Variants in CRY1 observed in about 807,000 individuals in gnomAD.
CRY1 encodes the protein cryptochrome circadian regulator 1.
A neutral mutation model predicts 76.0 loss-of-function variants in CRY1; 45 were observed. That is an observed-to-expected ratio of 0.59 (90% CI 0.47 to 0.76). CRY1 has a LOEUF of 0.76. Ranked by LOEUF, CRY1 falls within the 30% of genes least tolerant of loss-of-function variation. The pLI, the probability that CRY1 is intolerant of heterozygous loss-of-function variation, is 0.00. For synonymous variants in CRY1, 248 were observed against 244.0 expected (o/e 1.02, Z -0.15); for missense variants, 587 against 716.4 (o/e 0.82, Z 2.06).
intron 2 of CRY1, among the ~76,000 whole-genome samples, chr12:107,020,963 T>C (rs1411313274): frequency 2.0e-5 from 3 of 152,162 alleles, no homozygotes; most frequent in African/African-American, 4.8e-5. Flanking sequence ...TTTTTAAAGA[T>C]TTTTAAGATC....
chr12:107,059,974 AC>A (rs1953028493), intron 1 of CRY1, among the ~76,000 whole-genome samples: 1 of 152,230 alleles, frequency 6.6e-6, no homozygotes, highest in South Asian at 2.1e-4. Context: ...ATATTTTGGT[AC>A]TATGCAGATC....
chr12:107,047,098 G>A (rs937278932), intron 1 of CRY1, among the ~76,000 whole-genome samples: 10 of 152,172 alleles, frequency 6.6e-5, no homozygotes, highest in South Asian at 2.1e-4. Context: ...CATATGAAAC[G>A]TTCTTGTGGA....
At position 106,997,917 on chromosome 12, in the gene CRY1, G is replaced by T. The variant is rs1401436488; in HGVS notation, c.1287C>A (p.Ile429=). 6.2e-7 allele frequency: 1 copy of T among 1,613,560 alleles called. No homozygotes were observed. The highest frequency in any genetic ancestry group is 8.5e-7 in the Non-Finnish European group (1 of 1,179,828). The change falls in exon 8 of 13, where the codon ATC becomes ATA. Residue 429 remains isoleucine (I), a splice_region_variant and synonymous_variant. Transcript: ENST00000008527. ...GRRTDPNGDY[I]RRYLPVLRGF... ...AGTAGTAATCACCCTTGATTTACCT[G>T]ATATAGTCTCCATTGGGATCTGTTC...
Position 107,001,387 on chromosome 12 carries a change from A to G in CRY1, c.596-19T>C. On this transcript the variant is annotated intron_variant, in intron 4 of 12. Transcript: ENST00000008527. Reference sequence around the variant, plus strand: ...TCAAAACCTACAAGAAAGAAAAGAAAAAAACATCATTCTTCCGAAACTAAT... The same window carrying G: ...TCAAAACCTACAAGAAAGAAAAGAAGAAAACATCATTCTTCCGAAACTAAT... 11 of 1,575,878 alleles carry G rather than the reference A, an allele frequency of 7.0e-6. No individual in the cohort carries two copies. The highest frequency in any genetic ancestry group is 9.5e-6 in the Non-Finnish European group (11 of 1,159,380).
intron 1 of CRY1, among the ~76,000 whole-genome samples, chr12:107,054,061 A>T (rs912280305): frequency 6.6e-6 from 1 of 152,196 alleles, no homozygotes; most frequent in African/African-American, 2.4e-5. Context: ...ATGTTCCCCA[A>T]TGGAAGAGCT....
chr12:107,051,012 A>G (rs1952912863), intron 1 of CRY1, among the ~76,000 whole-genome samples: 1 of 152,202 alleles, frequency 6.6e-6, no homozygotes, highest in African/African-American at 2.4e-5. Context: ...AAATAAATCC[A>G]ATTAAGATAG....
At position 107,028,229 on chromosome 12, in the gene CRY1, T is replaced by TA. The variant is rs560085659; in HGVS notation, c.159-6038dup. ...AGTCTATTATATTTTATTAGAGATT[T>TA]AAAAAATATAACAATTTGTGTGTGT... On this transcript the variant is annotated intron_variant, in intron 1 of 12. Coordinates refer to ENST00000008527, the MANE Select transcript of CRY1 (RefSeq NM_004075.5). Among the ~76,000 whole-genome samples, 3 of 152,272 alleles carry TA rather than the reference T, an allele frequency of 2.0e-5. No individual in the cohort carries two copies. In the South Asian group the frequency reaches 6.2e-4, roughly 32 times the overall value.
intron 1 of CRY1, among the ~76,000 whole-genome samples, chr12:107,050,705 A>G (rs1223798201): frequency 6.6e-6 from 1 of 152,186 alleles, no homozygotes; most frequent in African/African-American, 2.4e-5. Context: ...GCACAAACAG[A>G]AATAACACAA....
At position 107,091,445 on chromosome 12, in the gene CRY1, T is replaced by C. The variant is rs137857447; in HGVS notation, c.158+1359A>G. ...CTCACCACGTCCACGATTATTACTA[T>C]GATTCAAGCCGTTATCATCTCTCAC... On this transcript the variant is annotated intron_variant, in intron 1 of 12. Coordinates refer to ENST00000008527, the MANE Select transcript of CRY1 (RefSeq NM_004075.5). 2.0e-3 allele frequency among the ~76,000 whole-genome samples: 306 copies of C among 152,310 alleles called. 3 individuals are homozygous for C. The highest frequency in any genetic ancestry group is 7.0e-3 in the African/African-American group (292 of 41,554).
intron 2 of CRY1, among the ~76,000 whole-genome samples, chr12:107,016,178 C>T (rs930356251): frequency 2.6e-5 from 4 of 151,900 alleles, no homozygotes; most frequent in Admixed American, 6.6e-5. Context: ...GGCATGGTGG[C>T]GCACTCCTGT....
chr12:106,993,114 C>CTAA, intron 10 of CRY1, 78 bp from the exon 11 acceptor site: 1 of 1,357,524 alleles, frequency 7.4e-7, no homozygotes, highest in Non-Finnish European at 1.0e-6. Flanking sequence ...ACAAATCCAA[C>CTAA]TTTTAGCGCT....
intron 10 of CRY1, among the ~76,000 whole-genome samples, chr12:106,996,136 G>C (rs537149175): frequency 6.6e-6 from 1 of 152,282 alleles, no homozygotes; most frequent in African/African-American, 2.4e-5. Context: ...GTGAGCTACT[G>C]CACCTGGCCC....
chr12:107,072,359 C>T (rs1953199904), intron 1 of CRY1, among the ~76,000 whole-genome samples: 1 of 152,148 alleles, frequency 6.6e-6, no homozygotes, highest in Non-Finnish European at 1.5e-5. Context: ...GAGTCACCAG[C>T]TACTAAATTA....
At chr12:107,032,055 T>C (rs1374198225) in intron 1 of CRY1, among the ~76,000 whole-genome samples, 2 of 152,122 alleles carry the variant, frequency 1.3e-5, no homozygotes, top group African/African-American at 4.8e-5. Context: ...CTGCCTCAGC[T>C]TCCCAAGTAG....
intron 2 of CRY1, among the ~76,000 whole-genome samples, chr12:107,017,074 C>A (rs1952504542): frequency 6.6e-6 from 1 of 152,236 alleles, no homozygotes; most frequent in African/African-American, 2.4e-5. Context: ...TCTCCACAAA[C>A]AGCCAGAGAA....
intron 1 of CRY1, among the ~76,000 whole-genome samples, chr12:107,068,837 T>C (rs1953143964): frequency 6.6e-6 from 1 of 152,210 alleles, no homozygotes; most frequent in Non-Finnish European, 1.5e-5. Flanking sequence ...AACGGAATCA[T>C]ATAATATGTG....
intron 1 of CRY1, among the ~76,000 whole-genome samples, chr12:107,049,553 T>C (rs527462101): frequency 6.6e-6 from 1 of 152,208 alleles, no homozygotes; most frequent in Admixed American, 6.5e-5. Flanking sequence ...TTTTGTATTT[T>C]TTTAAGTAGA....
chr12:107,039,383 A>T (rs553289751), intron 1 of CRY1, among the ~76,000 whole-genome samples: 1 of 152,338 alleles, frequency 6.6e-6, no homozygotes, highest in African/African-American at 2.4e-5. Flanking sequence ...CAGAGAGAAA[A>T]GCTCACCTAT....
intron 1 of CRY1, among the ~76,000 whole-genome samples, chr12:107,025,897 C>A (rs1000035465): frequency 2.0e-4 from 30 of 151,304 alleles, no homozygotes; most frequent in Non-Finnish European, 4.1e-4. Context: ...TTTCAGCACA[C>A]ATTCAATCTC....
Sources: gnomAD v4.1 joint callset for allele counts (sites outside exome capture counted in the v4.1 genomes callset) on GRCh38, gnomAD v4.1.1 for gene constraint, MANE v1.5 for transcripts, NCBI Gene and HGNC (gene_info 2026-07-23, HGNC 2026-07-21) for gene names.